The following DENND2B variants were observed in gnomAD, a reference collection of about 807,000 sequenced individuals.
DENND2B encodes the protein DENN domain-containing protein 2B.
DENND2B carries 32 observed loss-of-function variants against 116.0 expected under a neutral mutation model. The observed-to-expected ratio is 0.28, with a 90% CI of 0.21 to 0.37. The LOEUF (loss-of-function observed/expected upper bound fraction) is 0.37, where lower values mean the gene tolerates loss of function less well. Among genes scored for constraint, DENND2B ranks in the 10% least tolerant of loss-of-function variants. The pLI is 1.00. For synonymous variants in DENND2B, 588 were observed against 583.9 expected, an observed-to-expected ratio of 1.01 and a Z score of -0.10; for missense variants, 1,276 against 1,477.7, an observed-to-expected ratio of 0.86 and a Z score of 2.24.
At chr11:8,842,338 C>T (rs2062653680) in intron 3 of DENND2B, among the ~76,000 whole-genome samples, 1 of 152,170 alleles carries the variant, frequency 6.6e-6, no homozygotes, top group Admixed American at 6.5e-5. Flanking sequence ...GATGACTGCC[C>T]TCAATTTCTT....
At chr11:8,860,702 T>G (rs1197290448) in intron 2 of DENND2B, among the ~76,000 whole-genome samples, 1 of 152,148 alleles carries the variant, frequency 6.6e-6, no homozygotes, top group Non-Finnish European at 1.5e-5. Context: ...ATTCTAAAAT[T>G]CATATGGAAC....
rs16905720 is a variant in DENND2B, at chr11:8,759,473, T to C, written c.-25-8748A>G. 8.0e-4 allele frequency among the ~76,000 whole-genome samples: 122 copies of C among 152,028 alleles called. 2 individuals are homozygous for C. In the East Asian group the frequency reaches 0.016, roughly 20 times the overall value. On this transcript the variant is annotated intron_variant, in intron 1 of 19. Transcript: ENST00000313726. Reference sequence around the variant, plus strand: ...GGTAAGAAGTCAAGATGCCCGAAAATAGGAAACCTCTCAACCACATGAGAG... The same window carrying C: ...GGTAAGAAGTCAAGATGCCCGAAAACAGGAAACCTCTCAACCACATGAGAG...
At chr11:8,748,932 A>G (rs867194931) in intron 2 of DENND2B, among the ~76,000 whole-genome samples, 5 of 152,220 alleles carry the variant, frequency 3.3e-5, no homozygotes. Flanking sequence ...GGTGGAAATT[A>G]GAAGGAAAAA....
intron 2 of DENND2B, among the ~76,000 whole-genome samples, chr11:8,738,619 C>T (rs1247236823): frequency 6.6e-6 from 1 of 152,202 alleles, no homozygotes; most frequent in Non-Finnish European, 1.5e-5. Context: ...GCTGCTACTG[C>T]TACTTCTTTG....
chr11:8,696,382 T>C (rs932114726), intron 18 of DENND2B, 45 bp downstream of exon 18: 23 of 1,607,656 alleles, frequency 1.4e-5, no homozygotes, highest in Non-Finnish European at 2.0e-5. Flanking sequence ...TCAGCCCTGC[T>C]GTGGGTGAAA....
Position 8,707,717 on chromosome 11 carries a change from A to C in DENND2B, c.2430+60T>G. ...GTTTTCTCATCTAAGCTGGCTGCAGATACTCCTGTGGGAGCTGTCAGCTGG... is the reference window on the plus strand; with the variant it reads ...GTTTTCTCATCTAAGCTGGCTGCAGCTACTCCTGTGGGAGCTGTCAGCTGG... On this transcript the variant is annotated intron_variant, in intron 12 of 19. Transcript: ENST00000313726. The surrounding 1 kb of genome is among the most constrained non-coding windows in gnomAD (Gnocchi z 4.8). The C allele has an allele frequency of 3.1e-5, 47 of 1,520,648 alleles. No individual in the cohort carries two copies. Among genetic ancestry groups the C allele is most frequent in the East Asian group, 4.7e-5 (2 of 42,486 alleles). The allele number at this position is 1,520,648 out of a possible 1,614,324, so 94.2% of individuals were successfully genotyped here.
chr11:8,904,468 C>T (rs1443389693), intron 1 of DENND2B, among the ~76,000 whole-genome samples: 2 of 152,092 alleles, frequency 1.3e-5, no homozygotes, highest in Non-Finnish European at 2.9e-5. Context: ...AAACAAATAT[C>T]ATACTTAATG....
intron 1 of DENND2B, among the ~76,000 whole-genome samples, chr11:8,780,752 C>T (rs1238661891): frequency 6.6e-6 from 1 of 152,152 alleles, no homozygotes; most frequent in Non-Finnish European, 1.5e-5. Context: ...TGAAGCAATA[C>T]TCAGAGGTCT....
chr11:8,728,439 G>C (rs1416657257), intron 3 of DENND2B, among the ~76,000 whole-genome samples: 2 of 152,136 alleles, frequency 1.3e-5, no homozygotes, highest in African/African-American at 4.8e-5. Flanking sequence ...TGCACTTCTG[G>C]AACTGTTTCT....
chr11:8,765,280 T>G (rs1047813142), intron 1 of DENND2B, among the ~76,000 whole-genome samples: 1 of 152,222 alleles, frequency 6.6e-6, no homozygotes, highest in Admixed American at 6.5e-5. Flanking sequence ...CTTCCTCCTT[T>G]AAACAGAGCA....
At chr11:8,700,066 G>T (rs6483727) in intron 14 of DENND2B, 27,073 of 357,904 alleles carry the variant, frequency 0.076, 1,102 homozygotes, top group African/African-American at 0.24. Flanking sequence ...AGCTGGCCTG[G>T]GGGGGGGCAG....
chr11:8,825,051 T>C (rs987785158), intron 4 of DENND2B, among the ~76,000 whole-genome samples: 1 of 152,120 alleles, frequency 6.6e-6, no homozygotes, highest in African/African-American at 2.4e-5. Flanking sequence ...GTAATGGGAT[T>C]GCTGGGTGGA....
intron 6 of DENND2B, 181 bp downstream of exon 6, chr11:8,715,422 G>C: frequency 1.6e-6 from 1 of 627,600 alleles, no homozygotes; most frequent in South Asian, 2.0e-5. Context: ...CATCTTTATT[G>C]ATAAGAAAGG....
intron 14 of DENND2B, among the ~76,000 whole-genome samples, chr11:8,701,436 C>CT (rs1473402347): frequency 6.6e-6 from 1 of 151,048 alleles, no homozygotes; most frequent in East Asian, 2.0e-4. Flanking sequence ...CTCCTCCAGC[C>CT]TTCTTATCAA....
At chr11:8,700,314 A>G (rs1272162650) in intron 14 of DENND2B, among the ~76,000 whole-genome samples, 1 of 152,188 alleles carries the variant, frequency 6.6e-6, no homozygotes, top group Non-Finnish European at 1.5e-5. Context: ...CAAGGGCCTG[A>G]TGGGCCCACA....
In DENND2B at chr11:8,778,118, C is replaced by T. The variant is rs531263097; in HGVS notation, c.-25-27393G>A. On this transcript the variant is annotated intron_variant, in intron 1 of 19. Transcript: ENST00000313726. ...CCATTATACCACATGTGAGCACTAA[C>T]GGGGATCAATGAGTCAAGCCTTGAA... is the stretch of plus-strand genomic sequence containing the variant. Among the ~76,000 whole-genome samples, 8 of 152,300 alleles carry T rather than the reference C, an allele frequency of 5.3e-5. No homozygotes were observed. The South Asian group carries it at 6.2e-4, about 12-fold the overall frequency.
At chr11:8,792,456 T>A (rs920314300) in intron 1 of DENND2B, among the ~76,000 whole-genome samples, 3 of 151,922 alleles carry the variant, frequency 2.0e-5, no homozygotes, top group Admixed American at 2.0e-4. Flanking sequence ...ATGTAAAACA[T>A]GTGAAAGGCA....
At chr11:8,772,974 T>C (rs1257031679) in intron 1 of DENND2B, among the ~76,000 whole-genome samples, 1 of 152,208 alleles carries the variant, frequency 6.6e-6, no homozygotes, top group Non-Finnish European at 1.5e-5. Context: ...TTTATCCCTC[T>C]TCTCATTTCT....
chr11:8,901,183 GTTC>G (rs1250528032), intron 1 of DENND2B, among the ~76,000 whole-genome samples: 2 of 144,074 alleles, frequency 1.4e-5, no homozygotes, highest in Non-Finnish European at 3.1e-5. Flanking sequence ...GGTTTAGTTT[GTTC>G]TTCTTTTCCT....
Sources: allele counts gnomAD v4.1 joint callset (sites outside exome capture counted in the v4.1 genomes callset), GRCh38; gene constraint gnomAD v4.1.1; non-coding constraint Gnocchi (gnomAD v3.1); transcripts MANE v1.5; gene names NCBI Gene and HGNC (gene_info 2026-07-23, HGNC 2026-07-21).